Variants in VPS41 observed in about 807,000 individuals in gnomAD.
The protein encoded by VPS41 is vacuolar protein sorting-associated protein 41 homolog.
VPS41 carries 85 observed loss-of-function variants against 130.9 expected under a neutral mutation model. That is an observed-to-expected ratio of 0.65 (90% CI 0.55 to 0.78). The LOEUF (loss-of-function observed/expected upper bound fraction) is 0.78. VPS41 is among the 30% of genes least tolerant of loss of function. The pLI, the probability that VPS41 is intolerant of heterozygous loss-of-function variation, is 0.00. For synonymous variants in VPS41, 335 were observed against 332.9 expected (o/e 1.01, Z -0.07); for missense variants, 874 against 1,018.7 (o/e 0.86, Z 1.93).
At chr7:38,898,206 T>G in intron 1 of VPS41, 77 bp from the exon 2 acceptor site, 1 of 1,260,378 alleles carries the variant, frequency 7.9e-7, no homozygotes, top group Admixed American at 1.7e-5. Context: ...AGAGTCCTCA[T>G]GTTCCTACTA....
At chr7:38,821,706 CAAAA>C (rs10669199) in intron 5 of VPS41, among the ~76,000 whole-genome samples, 2 of 117,550 alleles carry the variant, frequency 1.7e-5, no homozygotes, top group Admixed American at 9.2e-5. Context: ...GACTCCGTCT[CAAAA>C]AAAAAAAAAA....
At chr7:38,775,725 T>C (rs1480459127) in intron 11 of VPS41, 1 of 152,060 alleles carries the variant, frequency 6.6e-6, no homozygotes, top group Non-Finnish European at 1.5e-5. Flanking sequence ...TAGTGATGGC[T>C]TCCTAATGCA....
chr7:38,895,324 A>G lies in VPS41; in HGVS notation c.60+2767T>C, dbSNP rs140656325. Reference sequence around the variant, plus strand: ...GTGACAAAGCAAGACTTTGTCTAAAAAAAAATAAAAATAAAAAAATAAAAA... The same window carrying G: ...GTGACAAAGCAAGACTTTGTCTAAAGAAAAATAAAAATAAAAAAATAAAAA... On this transcript the variant is annotated intron_variant, in intron 2 of 28. Coordinates refer to ENST00000310301, the MANE Select transcript of VPS41 (RefSeq NM_014396.4). 5.1e-3 allele frequency among the ~76,000 whole-genome samples: 778 copies of G among 152,272 alleles called. 7 individuals carry two copies. Among genetic ancestry groups the G allele is most frequent in the African/African-American group, 0.018 (731 of 41,540 alleles).
At chr7:38,817,537 G>A (rs568192197) in intron 7 of VPS41, among the ~76,000 whole-genome samples, 2 of 152,180 alleles carry the variant, frequency 1.3e-5, no homozygotes, top group Non-Finnish European at 2.9e-5. Flanking sequence ...AGAACCACTT[G>A]AACCCAGGAG....
chr7:38,737,398 A>T (rs1368940494), intron 25 of VPS41, among the ~76,000 whole-genome samples: 1 of 152,154 alleles, frequency 6.6e-6, no homozygotes, highest in Non-Finnish European at 1.5e-5. Context: ...AAATAAAAAC[A>T]AAACTTCATA....
intron 3 of VPS41, among the ~76,000 whole-genome samples, chr7:38,867,616 G>A (rs1478781070): frequency 6.6e-6 from 1 of 151,880 alleles, no homozygotes; most frequent in Non-Finnish European, 1.5e-5. Context: ...GTGAAAAAGA[G>A]GTCAGGAATT....
chr7:38,787,156 C>T (rs931023703), intron 10 of VPS41, among the ~76,000 whole-genome samples: 4 of 152,158 alleles, frequency 2.6e-5, no homozygotes, highest in Admixed American at 2.6e-4. Context: ...CTCAATTAAA[C>T]AAAATTCCAC....
intron 6 of VPS41, among the ~76,000 whole-genome samples, chr7:38,818,350 C>T (rs1330845953): frequency 1.3e-5 from 2 of 152,098 alleles, no homozygotes; most frequent in Non-Finnish European, 2.9e-5. Flanking sequence ...GACGTTTAGC[C>T]CACTTACACC....
intron 22 of VPS41, among the ~76,000 whole-genome samples, chr7:38,746,484 C>T (rs1036478405): frequency 3.3e-5 from 5 of 152,004 alleles, no homozygotes; most frequent in Admixed American, 6.6e-5. Flanking sequence ...AGTCCACCCC[C>T]GGGAGCTCAG....
chr7:38,847,545 T>C (rs1785754130), intron 4 of VPS41, among the ~76,000 whole-genome samples: 1 of 152,192 alleles, frequency 6.6e-6, no homozygotes, highest in Non-Finnish European at 1.5e-5. Flanking sequence ...TCTTAGATCC[T>C]TAGGCTCAGA....
intron 7 of VPS41, among the ~76,000 whole-genome samples, chr7:38,811,438 A>T (rs1216471272): frequency 2.0e-5 from 3 of 152,178 alleles, no homozygotes; most frequent in South Asian, 4.1e-4. Flanking sequence ...ATGGATCCAA[A>T]TAAATCAAAG....
In VPS41 at chr7:38,825,088, C is replaced by T. The variant is rs3801133; in HGVS notation, c.322-3823G>A. The stretch of plus-strand genomic sequence containing the variant: ...AAACAAGTTCATAGTAAACAGGCAC[C>T]GATACACATCACTATCCTTAAGAAT... On this transcript the variant is annotated intron_variant, in intron 5 of 28. Coordinates refer to ENST00000310301, the MANE Select transcript of VPS41 (RefSeq NM_014396.4). Among the ~76,000 whole-genome samples the T allele has an allele frequency of 1.1e-4, 16 of 152,166 alleles. No individual in the cohort carries two copies. In the East Asian group the frequency reaches 2.1e-3, roughly 20 times the overall value.
At position 38,841,532 on chromosome 7, in the gene VPS41, T is replaced by G. The variant is rs1785607671; in HGVS notation, c.247-11204A>C. On this transcript the variant is annotated intron_variant, in intron 4 of 28. Transcript: ENST00000310301. Reference sequence around the variant, plus strand: ...ATGCCCTTCAGTCCCCATGGCTTTCTGGCACCTGAAACTCTACTCCACTGG... The same window carrying G: ...ATGCCCTTCAGTCCCCATGGCTTTCGGGCACCTGAAACTCTACTCCACTGG... Among the ~76,000 whole-genome samples, 7 of 152,248 alleles carry G rather than the reference T, an allele frequency of 4.6e-5. No homozygotes were observed. The South Asian group carries it at 1.4e-3, about 31-fold the overall frequency.
chr7:38,804,926 C>T (rs371541448), intron 7 of VPS41, among the ~76,000 whole-genome samples: 9 of 152,196 alleles, frequency 5.9e-5, no homozygotes, highest in Non-Finnish European at 1.3e-4. Context: ...ATACCAAACA[C>T]GTTGAGTCTG....
intron 25 of VPS41, among the ~76,000 whole-genome samples, chr7:38,741,602 C>T (rs772998245): frequency 3.0e-4 from 46 of 152,184 alleles, no homozygotes; most frequent in Admixed American, 1.8e-3. Flanking sequence ...TTCCCTCAAA[C>T]GGATACAATA....
intron 2 of VPS41, among the ~76,000 whole-genome samples, chr7:38,894,333 A>C (rs184291154): frequency 2.6e-4 from 40 of 152,292 alleles, no homozygotes; most frequent in Admixed American, 1.4e-3. Flanking sequence ...ACAAGGCCTA[A>C]ACCTGGTCCA....
intron 4 of VPS41, among the ~76,000 whole-genome samples, chr7:38,861,529 G>A (rs1259973001): frequency 1.3e-5 from 2 of 152,144 alleles, no homozygotes; most frequent in Non-Finnish European, 2.9e-5. Flanking sequence ...ATAATTCCCT[G>A]TCTGTGTTGC....
At chr7:38,837,644 T>C (rs1233996304) in intron 4 of VPS41, among the ~76,000 whole-genome samples, 1 of 152,228 alleles carries the variant, frequency 6.6e-6, no homozygotes, top group African/African-American at 2.4e-5. Context: ...TTGCAGTGTA[T>C]GTCAGAAGTC....
rs567813113 is a variant in VPS41, at chr7:38,733,871, G to T, written c.2260-5080C>A. The stretch of plus-strand genomic sequence containing the variant: ...TGATAGGAGGATCTCTTGAGCCCAG[G>T]AGTTCAAGCCCAGCCTGGGCAACAT... On this transcript the variant is annotated intron_variant, in intron 25 of 28. Transcript: ENST00000310301. Among the ~76,000 whole-genome samples, 188 of 152,224 alleles carry T rather than the reference G, an allele frequency of 1.2e-3. 2 individuals are homozygous for T. Among genetic ancestry groups the T allele is most frequent in the African/African-American group, 4.3e-3 (179 of 41,520 alleles).
Sources: allele counts gnomAD v4.1 joint callset (sites outside exome capture counted in the v4.1 genomes callset), GRCh38; gene constraint gnomAD v4.1.1; transcripts MANE v1.5; gene names NCBI Gene and HGNC (gene_info 2026-07-23, HGNC 2026-07-21).